COL28A1: variants seen among roughly 807,000 people sequenced by gnomAD.
The protein encoded by COL28A1 is collagen type XXVIII alpha 1 chain, also known as collagen alpha-1(XXVIII) chain.
A neutral mutation model predicts 150.2 loss-of-function variants in COL28A1; 161 were observed. The ratio of observed to expected loss-of-function variants is 1.07; its 90% CI spans 0.94 to 1.22. The LOEUF (loss-of-function observed/expected upper bound fraction) is 1.22. COL28A1 is among the 50% of genes most tolerant of loss of function. The probability of loss-of-function intolerance (pLI) is 0.00; values close to 1 mark genes in which losing one functional copy is unlikely to be tolerated. For synonymous variants in COL28A1, 552 were observed against 469.7 expected, an observed-to-expected ratio of 1.18 and a Z score of -2.26; for missense variants, 1,617 against 1,388.3, an observed-to-expected ratio of 1.16 and a Z score of -2.62.
rs112854615 is a variant in COL28A1 at position 7,516,786 on chromosome 7, G to T, written c.856-946C>A. Among the ~76,000 whole-genome samples the T allele has an allele frequency of 1.7e-3, 263 of 151,350 alleles. 1 individual carries two copies. Among genetic ancestry groups the T allele is most frequent in the African/African-American group, 6.0e-3 (247 of 41,190 alleles). On this transcript the variant is annotated intron_variant, in intron 7 of 34. Transcript: ENST00000399429. ...TTATTTATTTATGTGTAGAGAGAGG[G>T]TCTCACTATGTTGCTCAGGCTGGTC...
At chr7:7,524,917 CA>C (rs1173840676) in intron 3 of COL28A1, among the ~76,000 whole-genome samples, 3 of 151,812 alleles carry the variant, frequency 2.0e-5, no homozygotes, top group African/African-American at 7.3e-5. Flanking sequence ...CAACAGAAGC[CA>C]AAAAAGATAC....
chr7:7,443,492 T>C, intron 20 of COL28A1, 93 bp downstream of exon 20: 4 of 1,558,626 alleles, frequency 2.6e-6, no homozygotes, highest in African/African-American at 2.7e-5. Flanking sequence ...CACATTGACA[T>C]AGTAAGAATA....
intron 15 of COL28A1, among the ~76,000 whole-genome samples, chr7:7,473,519 C>G (rs1472255372): frequency 3.9e-5 from 6 of 152,010 alleles, no homozygotes; most frequent in African/African-American, 1.4e-4. Context: ...TGGCCATAAT[C>G]AAGAAATCAA....
chr7:7,379,893 A>G (rs1049791592), intron 30 of COL28A1, among the ~76,000 whole-genome samples: 5 of 152,150 alleles, frequency 3.3e-5, no homozygotes, highest in African/African-American at 7.2e-5. Context: ...CCCGCAGAAC[A>G]CATGTGCAGT....
intron 33 of COL28A1, among the ~76,000 whole-genome samples, chr7:7,367,073 T>G (rs1041844728): frequency 7.9e-5 from 12 of 152,214 alleles, no homozygotes; most frequent in Admixed American, 6.5e-5. Flanking sequence ...TAATACTGTA[T>G]TTTTACCCTT....
chr7:7,446,935 G>A (rs1171031446), intron 18 of COL28A1, among the ~76,000 whole-genome samples: 1 of 152,110 alleles, frequency 6.6e-6, no homozygotes, highest in East Asian at 1.9e-4. Context: ...GCTGAATATT[G>A]CTCAGTACAT....
chr7:7,428,593 T>C (rs950683207), intron 25 of COL28A1, among the ~76,000 whole-genome samples: 6 of 151,472 alleles, frequency 4.0e-5, no homozygotes, highest in Admixed American at 2.0e-4. Flanking sequence ...CCACAAGAAG[T>C]GCCCTTAATA....
chr7:7,491,977 T>C (rs1424707711), intron 11 of COL28A1, among the ~76,000 whole-genome samples: 3 of 152,240 alleles, frequency 2.0e-5, no homozygotes, highest in Non-Finnish European at 4.4e-5. Flanking sequence ...TCCAGTTTTT[T>C]ACATTCACAC....
intron 25 of COL28A1, chr7:7,431,335 C>G (rs1053571960): frequency 1.3e-5 from 4 of 318,568 alleles, no homozygotes; most frequent in Admixed American, 4.0e-5. Context: ...AAGCAAGAAG[C>G]CTGCTCCAGG....
intron 27 of COL28A1, chr7:7,417,502 A>AGGGGGAGGGAAG (rs1784147075): frequency 5.4e-6 from 1 of 185,168 alleles, no homozygotes; most frequent in Non-Finnish European, 9.0e-6. Context: ...GGAAGGAGGG[A>AGGGGGAGGGAAG]GGGGGAGGGA....
At chr7:7,463,625 A>G (rs1474235952) in intron 15 of COL28A1, among the ~76,000 whole-genome samples, 1 of 152,254 alleles carries the variant, frequency 6.6e-6, no homozygotes. Flanking sequence ...AAATGCTGAG[A>G]GAATTTGCCA....
chr7:7,400,997 T>G (rs1000428113), intron 27 of COL28A1, among the ~76,000 whole-genome samples: 1 of 148,960 alleles, frequency 6.7e-6, no homozygotes, highest in East Asian at 2.0e-4. Flanking sequence ...TGTGTGTGTG[T>G]GTGTGTGTGT....
At chr7:7,348,161 T>G in the COL28A1 span, among the ~76,000 whole-genome samples, 3 of 151,986 alleles carry the variant, frequency 2.0e-5, no homozygotes, top group African/African-American at 7.3e-5. Context: ...CTTGGGAAAT[T>G]GGATACATTT....
intron 15 of COL28A1, among the ~76,000 whole-genome samples, chr7:7,464,373 G>C (rs1787886334): frequency 6.6e-6 from 1 of 152,170 alleles, no homozygotes; most frequent in African/African-American, 2.4e-5. Context: ...CTATTCAACA[G>C]TGCATGGTAC....
chr7:7,437,444 C>T lies in COL28A1; in HGVS notation c.1741G>A (p.Gly581Ser). Residue 581 changes from glycine (G) to serine (S), a missense_variant, in exon 22 of 35, where the codon GGC (glycine) becomes AGC (serine). Physicochemically the swap from Gly to Ser is moderately conservative, Grantham distance 56. Transcript: ENST00000399429. ...EGPKGEPGIM[G>S]PFGMPGTSIP... ...GATGTTCCAGGCATTCCAAAAGGGC[C>T]CATAATGCCCGGTTCACCCTTAAAA... 2 of 1,613,386 alleles carry T rather than the reference C, an allele frequency of 1.2e-6. No homozygotes were observed. The highest frequency in any genetic ancestry group is 8.5e-7 in the Non-Finnish European group (1 of 1,179,804).
At chr7:7,372,102 T>G (rs968544041) in intron 32 of COL28A1, among the ~76,000 whole-genome samples, 1 of 152,080 alleles carries the variant, frequency 6.6e-6, no homozygotes, top group African/African-American at 2.4e-5. Flanking sequence ...CAATGAATTT[T>G]AAAAGGTTGT....
intron 15 of COL28A1, among the ~76,000 whole-genome samples, chr7:7,472,386 C>T (rs1490737151): frequency 2.7e-5 from 4 of 150,802 alleles, no homozygotes; most frequent in Non-Finnish European, 4.4e-5. Context: ...GCAAACAAGC[C>T]GAGAATCAAA....
intron 33 of COL28A1, among the ~76,000 whole-genome samples, chr7:7,368,872 T>C (rs17166996): frequency 0.013 from 1,914 of 152,324 alleles, 35 homozygotes; most frequent in African/African-American, 0.044. Context: ...CTGAAATTAA[T>C]TGCATCATCT....
chr7:7,367,141 A>G (rs1293214866), intron 33 of COL28A1, among the ~76,000 whole-genome samples: 1 of 152,198 alleles, frequency 6.6e-6, no homozygotes, highest in Non-Finnish European at 1.5e-5. Flanking sequence ...ACAGTTCCCT[A>G]CAGTAGTACA....
Sources: gnomAD v4.1 joint callset for allele counts (sites outside exome capture counted in the v4.1 genomes callset) on GRCh38, gnomAD v4.1.1 for gene constraint, MANE v1.5 for transcripts, NCBI Gene and HGNC (gene_info 2026-07-23, HGNC 2026-07-21) for gene names.